The following ADAMTS17 variants were observed in gnomAD, a reference collection of about 807,000 sequenced individuals.
ADAMTS17 encodes the protein ADAM metallopeptidase with thrombospondin type 1 motif 17, also known as A disintegrin and metalloproteinase with thrombospondin motifs 17.
In ADAMTS17, 113 loss-of-function variants were observed where a neutral mutation model predicts 141.5. The observed-to-expected ratio is 0.80, with a 90% CI of 0.69 to 0.93. ADAMTS17 has a LOEUF of 0.93. Among genes scored for constraint, ADAMTS17 ranks in the 40% least tolerant of loss-of-function variants. The pLI, the probability that ADAMTS17 is intolerant of heterozygous loss-of-function variation, is 0.00. For missense variants in ADAMTS17, 1,659 were observed against 1,517.9 expected (o/e 1.09, Z -1.54); for synonymous variants, 768 against 630.6 (o/e 1.22, Z -3.27).
chr15:100,082,671 T>C (rs1031514883), intron 15 of ADAMTS17, among the ~76,000 whole-genome samples: 3 of 152,096 alleles, frequency 2.0e-5, no homozygotes, highest in African/African-American at 7.2e-5. Context: ...CCCATGGCAT[T>C]CTGTTCTTGT....
At chr15:100,194,518 C>A (rs1456156081) in intron 8 of ADAMTS17, among the ~76,000 whole-genome samples, 1 of 152,180 alleles carries the variant, frequency 6.6e-6, no homozygotes, top group African/African-American at 2.4e-5. Flanking sequence ...AAGTTACTGC[C>A]AACTGCCTCC....
intron 12 of ADAMTS17, among the ~76,000 whole-genome samples, chr15:100,119,527 C>A (rs146896220): frequency 3.3e-5 from 5 of 152,312 alleles, no homozygotes; most frequent in Admixed American, 3.3e-4. Flanking sequence ...CTTCCTTTTA[C>A]GCTTCAGTTT....
chr15:100,254,039 C>G, intron 7 of ADAMTS17, 97 bp downstream of exon 7: 1 of 1,182,888 alleles, frequency 8.5e-7, no homozygotes, highest in Non-Finnish European at 1.3e-6. Context: ...ATGTGCAGTG[C>G]TTGTTTGAGG....
chr15:99,987,314 ATGCTGC>A (rs542154978), intron 20 of ADAMTS17, among the ~76,000 whole-genome samples: 25 of 151,980 alleles, frequency 1.6e-4, no homozygotes, highest in African/African-American at 1.7e-4. Flanking sequence ...CCTGCTTAGC[ATGCTGC>A]TGCTGCTGCT....
intron 20 of ADAMTS17, among the ~76,000 whole-genome samples, chr15:99,977,229 C>A (rs2060354097): frequency 1.3e-5 from 2 of 150,710 alleles, no homozygotes; most frequent in African/African-American, 4.9e-5. Flanking sequence ...TCTCCAGCCC[C>A]AGCATGAGGA....
chr15:100,028,847 T>G (rs1179376397), intron 18 of ADAMTS17, among the ~76,000 whole-genome samples: 2 of 152,266 alleles, frequency 1.3e-5, no homozygotes, highest in Non-Finnish European at 2.9e-5. Context: ...CTTCTCCTTT[T>G]TGAAAAGCAG....
rs188454565 is a variant in ADAMTS17 at position 100,282,750 on chromosome 15, A to G, written c.617-1349T>C. On this transcript the variant is annotated intron_variant, in intron 3 of 21. Transcript: ENST00000268070. ...TATACAACACAATTACAATCACAAA[A>G]AAGTGGCAAAAAAATGGAAATATAC... is the stretch of plus-strand genomic sequence containing the variant. Among the ~76,000 whole-genome samples the G allele has an allele frequency of 2.6e-4, 39 of 152,332 alleles. No individual in the cohort carries two copies. The East Asian group carries it at 7.5e-3, about 29-fold the overall frequency.
chr15:100,065,218 C>T (rs888907882), intron 15 of ADAMTS17, among the ~76,000 whole-genome samples: 1 of 152,096 alleles, frequency 6.6e-6, no homozygotes, highest in South Asian at 2.1e-4. Flanking sequence ...TTTTCAACAC[C>T]TCTTAATGCA....
At chr15:100,209,104 C>G (rs1284400089) in intron 7 of ADAMTS17, among the ~76,000 whole-genome samples, 1 of 70,830 alleles carries the variant, frequency 1.4e-5, no homozygotes. Context: ...GAAATATTTG[C>G]CAAGTTAGCA....
chr15:100,071,916 C>A (rs1348403995), intron 15 of ADAMTS17, among the ~76,000 whole-genome samples: 1 of 150,010 alleles, frequency 6.7e-6, no homozygotes, highest in Non-Finnish European at 1.5e-5. Flanking sequence ...GGCAGTCAGG[C>A]AGGAGAAGGA....
At chr15:100,007,981 G>A (rs968219957) in intron 18 of ADAMTS17, among the ~76,000 whole-genome samples, 15 of 152,228 alleles carry the variant, frequency 9.9e-5, no homozygotes, top group African/African-American at 3.4e-4. Flanking sequence ...GGGGGTGACC[G>A]CCAGGTCAGG....
intron 14 of ADAMTS17, among the ~76,000 whole-genome samples, chr15:100,106,312 A>G (rs2036411844): frequency 6.6e-6 from 1 of 152,174 alleles, no homozygotes; most frequent in East Asian, 1.9e-4. Flanking sequence ...CTTATAAGCT[A>G]CCCAGTCTAG....
intron 3 of ADAMTS17, among the ~76,000 whole-genome samples, chr15:100,314,155 G>A (rs2045489412): frequency 6.6e-6 from 1 of 152,230 alleles, no homozygotes; most frequent in Non-Finnish European, 1.5e-5. Flanking sequence ...GGGAAAAAAT[G>A]TGAAGATCAG....
intron 20 of ADAMTS17, among the ~76,000 whole-genome samples, chr15:99,981,422 C>T (rs1596146887): frequency 6.6e-6 from 1 of 152,340 alleles, no homozygotes; most frequent in East Asian, 1.9e-4. Context: ...AGGCATTTTA[C>T]TCTCATCAGA....
intron 7 of ADAMTS17, among the ~76,000 whole-genome samples, chr15:100,232,623 G>A (rs1001036233): frequency 4.6e-5 from 7 of 152,236 alleles, no homozygotes; most frequent in African/African-American, 1.7e-4. Context: ...AAGGGCTCTG[G>A]CGGTAAGTGC....
intron 3 of ADAMTS17, among the ~76,000 whole-genome samples, chr15:100,308,384 G>T (rs991432288): frequency 4.6e-5 from 7 of 152,176 alleles, no homozygotes; most frequent in African/African-American, 1.7e-4. Context: ...AATCCCCAAA[G>T]ATAAAGCAAG....
intron 7 of ADAMTS17, among the ~76,000 whole-genome samples, chr15:100,206,379 T>C (rs2041562010): frequency 6.6e-6 from 1 of 152,170 alleles, no homozygotes; most frequent in African/African-American, 2.4e-5. Context: ...CTCCCCTTAC[T>C]GGCAGCATGA....
At chr15:100,063,524 G>T in intron 15 of ADAMTS17, 1 of 510,356 alleles carries the variant, frequency 2.0e-6, no homozygotes, top group Non-Finnish European at 3.4e-6. Flanking sequence ...AAATATGACA[G>T]CACTGTGTGG....
intron 9 of ADAMTS17, among the ~76,000 whole-genome samples, chr15:100,154,860 G>A (rs920148235): frequency 1.2e-4 from 19 of 152,090 alleles, no homozygotes; most frequent in African/African-American, 4.1e-4. Flanking sequence ...GCCCAGGGGC[G>A]CCCCAAGGTG....
Sources: gnomAD v4.1 joint callset for allele counts (sites outside exome capture counted in the v4.1 genomes callset) on GRCh38, gnomAD v4.1.1 for gene constraint, MANE v1.5 for transcripts, NCBI Gene and HGNC (gene_info 2026-07-23, HGNC 2026-07-21) for gene names.